SH3RF3: variants seen among roughly 807,000 people sequenced by gnomAD.
SH3RF3 encodes the protein E3 ubiquitin-protein ligase SH3RF3.
In SH3RF3, 29 loss-of-function variants were observed where a neutral mutation model predicts 66.3. That is an observed-to-expected ratio of 0.44 (90% CI 0.33 to 0.60). The LOEUF (loss-of-function observed/expected upper bound fraction) is 0.60. SH3RF3 is among the 20% of genes least tolerant of loss of function. SH3RF3 has a pLI of 0.04. For missense variants in SH3RF3, 1,194 were observed against 1,190.9 expected, an observed-to-expected ratio of 1.00 and a Z score of -0.04; for synonymous variants, 583 against 532.0, an observed-to-expected ratio of 1.10 and a Z score of -1.32.
At chr2:109,152,993 GT>G (rs1161995982) in intron 1 of SH3RF3, among the ~76,000 whole-genome samples, 1 of 152,214 alleles carries the variant, frequency 6.6e-6, no homozygotes, top group Non-Finnish European at 1.5e-5. Context: ...ATGCAGCTGA[GT>G]TTGAGCCTGT....
intron 8 of SH3RF3, among the ~76,000 whole-genome samples, chr2:109,454,529 C>G (rs112035563): frequency 6.6e-6 from 1 of 152,196 alleles, no homozygotes; most frequent in Non-Finnish European, 1.5e-5. Flanking sequence ...GCGCTCCCGC[C>G]GGCTGCCTGA....
chr2:109,276,716 A>G (rs1258244888), intron 1 of SH3RF3, among the ~76,000 whole-genome samples: 1 of 152,126 alleles, frequency 6.6e-6, no homozygotes. Context: ...TTTAAATCAC[A>G]TTATTCCAGC....
At chr2:109,151,434 A>G (rs990085784) in intron 1 of SH3RF3, among the ~76,000 whole-genome samples, 1 of 152,250 alleles carries the variant, frequency 6.6e-6, no homozygotes, top group African/African-American at 2.4e-5. Context: ...AAGCAGCACC[A>G]TCCAATACAA....
chr2:109,395,577 C>T (rs1175078006), intron 3 of SH3RF3, among the ~76,000 whole-genome samples: 3 of 152,190 alleles, frequency 2.0e-5, no homozygotes, highest in Non-Finnish European at 4.4e-5. Flanking sequence ...TCACTTTCAG[C>T]ACCGGCCTTC....
intron 4 of SH3RF3, among the ~76,000 whole-genome samples, chr2:109,405,773 G>A (rs1676437945): frequency 6.6e-6 from 1 of 152,216 alleles, no homozygotes; most frequent in Admixed American, 6.5e-5. Flanking sequence ...GTGTGCCCAT[G>A]ATGGAATATT....
At chr2:109,292,720 G>A (rs966163650) in intron 1 of SH3RF3, among the ~76,000 whole-genome samples, 9 of 152,132 alleles carry the variant, frequency 5.9e-5, no homozygotes, top group African/African-American at 2.2e-4. Context: ...ACAGCAATTT[G>A]ACATGTATTT....
At chr2:109,485,252 C>T (rs76661851) in intron 8 of SH3RF3, among the ~76,000 whole-genome samples, 6,179 of 152,342 alleles carry the variant, frequency 0.041, 157 homozygotes, top group Non-Finnish European at 0.06. Flanking sequence ...GGGACAGCCA[C>T]CTGTCTCCAC....
intron 8 of SH3RF3, among the ~76,000 whole-genome samples, chr2:109,473,188 C>T (rs1290712228): frequency 2.0e-5 from 3 of 152,056 alleles, no homozygotes; most frequent in Non-Finnish European, 2.9e-5. Context: ...CCCAGGGAAG[C>T]GGCTTCCTGC....
At position 109,467,521 on chromosome 2, in the gene SH3RF3, C is replaced by T. The variant is rs377596885; in HGVS notation, c.2148+18032C>T. On this transcript the variant is annotated intron_variant, in intron 8 of 9. Coordinates refer to ENST00000309415, the MANE Select transcript of SH3RF3 (RefSeq NM_001099289.3). The stretch of plus-strand genomic sequence containing the variant: ...GCAGGACTGGGGGGCTTGGGCCCAC[C>T]GTGAGGGCAGCGGCAATGCACATCG... 1.6e-4 allele frequency among the ~76,000 whole-genome samples: 24 copies of T among 152,274 alleles called. No individual in the cohort carries two copies. In the South Asian group the frequency reaches 2.9e-3, roughly 18 times the overall value.
intron 3 of SH3RF3, among the ~76,000 whole-genome samples, chr2:109,380,553 T>C (rs1006208375): frequency 5.9e-5 from 9 of 152,202 alleles, no homozygotes; most frequent in African/African-American, 2.2e-4. Context: ...CAAGACAGCT[T>C]AGTAAGTTTT....
intron 2 of SH3RF3, among the ~76,000 whole-genome samples, chr2:109,358,543 A>C (rs1386884911): frequency 5.9e-5 from 9 of 152,208 alleles, no homozygotes; most frequent in African/African-American, 2.2e-4. Flanking sequence ...CTGTTGCTCC[A>C]CATCCTCATC....
intron 3 of SH3RF3, among the ~76,000 whole-genome samples, chr2:109,393,777 G>A (rs1333884442): frequency 2.6e-5 from 4 of 151,828 alleles, no homozygotes; most frequent in Non-Finnish European, 5.9e-5. Flanking sequence ...ACTACTTTGC[G>A]CTGTTTTTCT....
intron 6 of SH3RF3, among the ~76,000 whole-genome samples, chr2:109,433,310 C>A (rs545466624): frequency 4.6e-5 from 7 of 152,328 alleles, no homozygotes. Context: ...TGAGTGGTCG[C>A]ATTGTGGTAA....
At chr2:109,295,097 G>C (rs1442456351) in intron 1 of SH3RF3, among the ~76,000 whole-genome samples, 2 of 152,244 alleles carry the variant, frequency 1.3e-5, no homozygotes, top group Non-Finnish European at 2.9e-5. Flanking sequence ...TTGAGATGCA[G>C]ACTTAGAGTA....
At chr2:109,234,157 C>T (rs1030496405) in intron 1 of SH3RF3, among the ~76,000 whole-genome samples, 10 of 152,124 alleles carry the variant, frequency 6.6e-5, no homozygotes, top group African/African-American at 2.4e-4. Flanking sequence ...AATAGCTATA[C>T]CATGAAGTTA....
chr2:109,293,913 A>C (rs1187874109), intron 1 of SH3RF3, among the ~76,000 whole-genome samples: 1 of 151,710 alleles, frequency 6.6e-6, no homozygotes, highest in Non-Finnish European at 1.5e-5. Context: ...AGTAGCCCTG[A>C]CTCTTTACCA....
chr2:109,375,101 G>A (rs113979888), intron 3 of SH3RF3, among the ~76,000 whole-genome samples: 1 of 152,030 alleles, frequency 6.6e-6, no homozygotes, highest in Non-Finnish European at 1.5e-5. Flanking sequence ...AGAAATAATC[G>A]TCTCTCCACA....
intron 8 of SH3RF3, among the ~76,000 whole-genome samples, chr2:109,475,440 G>A (rs1420758744): frequency 6.6e-6 from 1 of 152,186 alleles, no homozygotes; most frequent in African/African-American, 2.4e-5. Flanking sequence ...CAGCTTCTTG[G>A]GTCTTAAAGC....
At chr2:109,199,032 G>A (rs762610536) in intron 1 of SH3RF3, among the ~76,000 whole-genome samples, 3 of 152,208 alleles carry the variant, frequency 2.0e-5, no homozygotes, top group Middle Eastern at 3.4e-3. Flanking sequence ...CTTAAGCACC[G>A]TCTTGAGTTT....
Sources: gnomAD v4.1 joint callset for allele counts (sites outside exome capture counted in the v4.1 genomes callset) on GRCh38, gnomAD v4.1.1 for gene constraint, MANE v1.5 for transcripts, NCBI Gene and HGNC (gene_info 2026-07-23, HGNC 2026-07-21) for gene names.